SNTN: variants seen among roughly 807,000 people sequenced by gnomAD.
SNTN encodes sentan.
In SNTN, 13 loss-of-function variants were observed where a neutral mutation model predicts 12.3. The observed-to-expected ratio is 1.05, with a 90% CI of 0.69 to 1.67. The LOEUF (loss-of-function observed/expected upper bound fraction) is 1.67, where lower values mean the gene tolerates loss of function less well. Ranked by LOEUF, SNTN falls within the 40% of genes most tolerant of loss-of-function variation. The pLI is 0.00. For synonymous variants in SNTN, 69 were observed against 58.5 expected (o/e 1.18, Z -0.82); for missense variants, 189 against 169.8 (o/e 1.11, Z -0.63).
intron 1 of SNTN, among the ~76,000 whole-genome samples, chr3:63,654,537 A>G (rs1700654625): frequency 6.6e-6 from 1 of 152,206 alleles, no homozygotes; most frequent in East Asian, 1.9e-4. Flanking sequence ...CAAAACTACA[A>G]GGAAGACTGA....
At chr3:63,656,674 G>T (rs145671487) in intron 2 of SNTN, among the ~76,000 whole-genome samples, 18 of 152,180 alleles carry the variant, frequency 1.2e-4, no homozygotes, top group African/African-American at 4.3e-4. Flanking sequence ...ATTTTTGGTG[G>T]GGGTACAGCA....
At position 63,664,346 on chromosome 3, in the gene SNTN, G is replaced by C; in HGVS notation, c.*251G>C. On this transcript the variant is annotated 3_prime_UTR_variant, in exon 4 of 4. Transcript: ENST00000343837. ...TACCACTGAATAATAAATGGCTTTT[G>C]CTGAGTCAGTAGCGACCTAGAGCAC... The C allele has an allele frequency of 2.7e-6, 1 of 365,258 alleles. No individual in the cohort carries two copies. Among genetic ancestry groups the C allele is most frequent in the Non-Finnish European group, 4.9e-6 (1 of 203,072 alleles). 22.6% of individuals were successfully genotyped at this position (365,258 alleles called of 1,614,324 possible).
chr3:63,655,400 G>A (rs565012667), intron 2 of SNTN, among the ~76,000 whole-genome samples: 1 of 152,168 alleles, frequency 6.6e-6, no homozygotes, highest in South Asian at 2.1e-4. Flanking sequence ...TTACTATATT[G>A]CAGGTTTTTC....
Position 63,659,831 on chromosome 3 carries a change from TCTG to T in SNTN, c.257_259del (p.Leu86del). 1.9e-6 allele frequency: 3 copies of T among 1,614,030 alleles called. No individual in the cohort carries two copies. Among genetic ancestry groups the T allele is most frequent in the Non-Finnish European group, 2.5e-6 (3 of 1,179,946 alleles). ...AACTTGAAAAAGCTATTGCCAAAGA[TCTG>T]CTGCAAACCCAATTTAGGAATTTCG... On this transcript the variant is annotated inframe_deletion, in exon 3 of 4. Coordinates refer to ENST00000343837, the MANE Select transcript of SNTN (RefSeq NM_001080537.2).
intron 3 of SNTN, 128 bp from the exon 4 acceptor site, chr3:63,663,809 C>A (rs1308693672): frequency 4.8e-6 from 6 of 1,255,610 alleles, no homozygotes; most frequent in Non-Finnish European, 6.9e-6. Flanking sequence ...TTTCTTTTTT[C>A]TTTATAAATC....
At chr3:63,662,283 C>T (rs953279846) in intron 3 of SNTN, among the ~76,000 whole-genome samples, 9 of 152,322 alleles carry the variant, frequency 5.9e-5, no homozygotes, top group Non-Finnish European at 8.8e-5. Context: ...CCTCAATCCC[C>T]ATGTTGCGTC....
At chr3:63,662,064 A>G (rs761222594) in intron 3 of SNTN, among the ~76,000 whole-genome samples, 4 of 152,182 alleles carry the variant, frequency 2.6e-5, no homozygotes, top group Non-Finnish European at 4.4e-5. Flanking sequence ...CCCAGGCCTC[A>G]GTGTAATCTT....
chr3:63,658,455 T>C (rs1700707509), intron 2 of SNTN, among the ~76,000 whole-genome samples: 1 of 149,070 alleles, frequency 6.7e-6, no homozygotes, highest in African/African-American at 2.5e-5. Flanking sequence ...ACAAATAACA[T>C]ACAATAACAG....
chr3:63,660,938 G>C (rs377072924), intron 3 of SNTN, among the ~76,000 whole-genome samples: 2 of 152,168 alleles, frequency 1.3e-5, no homozygotes, highest in African/African-American at 4.8e-5. Flanking sequence ...TATATTTCTC[G>C]AATTTCAGTC....
At chr3:63,654,704 T>C (rs1700656736) in intron 1 of SNTN, 58 bp from the exon 2 acceptor site, 1 of 1,457,814 alleles carries the variant, frequency 6.9e-7, no homozygotes, top group Admixed American at 1.7e-5. Flanking sequence ...CTGCTATAGA[T>C]GCTGATATCA....
intron 2 of SNTN, among the ~76,000 whole-genome samples, chr3:63,655,333 T>A (rs1210691002): frequency 6.6e-6 from 1 of 152,228 alleles, no homozygotes; most frequent in East Asian, 1.9e-4. Flanking sequence ...TGGATCATTC[T>A]TTTATTCAAA....
Position 63,664,908 on chromosome 3 carries a change from A to G in SNTN, c.*813A>G, listed in dbSNP as rs1700785804. On this transcript the variant is annotated 3_prime_UTR_variant, in exon 4 of 4. Coordinates refer to ENST00000343837, the MANE Select transcript of SNTN (RefSeq NM_001080537.2). Reference sequence around the variant, plus strand: ...GCTGGGATTACAGGCGTGTGCCACGATGCCAGGCTAATTTTTTTTGTATTT... The same window carrying G: ...GCTGGGATTACAGGCGTGTGCCACGGTGCCAGGCTAATTTTTTTTGTATTT... Among the ~76,000 whole-genome samples the G allele has an allele frequency of 6.6e-6, 1 of 152,084 alleles. No homozygotes were observed. The highest frequency in any genetic ancestry group is 1.5e-5 in the Non-Finnish European group (1 of 68,010).
chr3:63,652,941 T>C (rs1700636369), intron 1 of SNTN, 144 bp downstream of exon 1: 1 of 674,920 alleles, frequency 1.5e-6, no homozygotes, highest in Admixed American at 3.0e-5. Flanking sequence ...TAAATTGACT[T>C]GGAAAAACAA....
chr3:63,663,758 T>C, intron 3 of SNTN, 179 bp from the exon 4 acceptor site: 1 of 761,422 alleles, frequency 1.3e-6, no homozygotes, highest in East Asian at 2.7e-5. Context: ...TGCAGATGCC[T>C]GATCTTGAAC....
At chr3:63,654,074 A>G (rs1003693083) in intron 1 of SNTN, among the ~76,000 whole-genome samples, 11 of 152,164 alleles carry the variant, frequency 7.2e-5, no homozygotes, top group African/African-American at 2.7e-4. Context: ...AGACTAGGTT[A>G]TTACCTCTTT....
In SNTN at chr3:63,654,472, G is replaced by A. The variant is rs144812752; in HGVS notation, c.111-290G>A. On this transcript the variant is annotated intron_variant, in intron 1 of 3. Transcript: ENST00000343837. ...AAGCATGGAGGAGCTTACATGGAAG[G>A]TATTCACTTCTCTTCTGCTCCATTT... Among the ~76,000 whole-genome samples the A allele has an allele frequency of 7.2e-5, 11 of 152,256 alleles. No individual in the cohort carries two copies. In the East Asian group the frequency reaches 7.7e-4, roughly 11 times the overall value.
chr3:63,664,485 A>C lies in SNTN; in HGVS notation c.*390A>C, dbSNP rs1310162779. 2 of 160,652 alleles carry C rather than the reference A, an allele frequency of 1.2e-5. No homozygotes were observed. The highest frequency in any genetic ancestry group is 2.7e-5 in the Non-Finnish European group (2 of 73,926). The allele number at this position is 160,652 out of a possible 1,614,324, so 10.0% of individuals were successfully genotyped here. On this transcript the variant is annotated 3_prime_UTR_variant, in exon 4 of 4. Coordinates refer to ENST00000343837, the MANE Select transcript of SNTN (RefSeq NM_001080537.2). ...TTGGCCAGGCAATTCCTTCCTTCAG[A>C]CATGTTTGCAGAAGTCTAGCAGAAG...
intron 1 of SNTN, 37 bp downstream of exon 1, chr3:63,652,834 T>A: frequency 6.3e-7 from 1 of 1,578,848 alleles, no homozygotes; most frequent in South Asian, 1.1e-5. Context: ...TGAGTTTCAT[T>A]TAAGCTTGCA....
chr3:63,659,649 G>A (rs1700719373), intron 2 of SNTN, 76 bp from the exon 3 acceptor site: 22 of 1,560,392 alleles, frequency 1.4e-5, no homozygotes, highest in Non-Finnish European at 1.9e-5. Flanking sequence ...CAGTTCCCTT[G>A]GAAGACACAA....
Sources: allele counts gnomAD v4.1 joint callset (sites outside exome capture counted in the v4.1 genomes callset), GRCh38; gene constraint gnomAD v4.1.1; transcripts MANE v1.5; gene names NCBI Gene and HGNC (gene_info 2026-07-23, HGNC 2026-07-21).